The following LDB2 variants were observed in gnomAD, a reference collection of about 807,000 sequenced individuals.
LDB2 encodes LIM domain binding 2, also known as LIM domain-binding protein 2.
Under a neutral mutation model 44.3 loss-of-function variants are expected in LDB2, and 12 were observed. That is an observed-to-expected ratio of 0.27 (90% CI 0.17 to 0.44). The LOEUF (loss-of-function observed/expected upper bound fraction) is 0.44. LDB2 is among the 20% of genes least tolerant of loss of function. LDB2 has a pLI of 1.00. For synonymous variants in LDB2, 164 were observed against 174.8 expected (o/e 0.94, Z 0.49); for missense variants, 344 against 473.5 (o/e 0.73, Z 2.54).
intron 5 of LDB2, among the ~76,000 whole-genome samples, chr4:16,572,960 A>G (rs535910248): frequency 9.2e-5 from 14 of 152,304 alleles, no homozygotes; most frequent in Non-Finnish European, 1.6e-4. Flanking sequence ...GAGATCTGAC[A>G]GCTTTGTTTC....
chr4:16,875,322 T>C (rs1718036681), intron 1 of LDB2, among the ~76,000 whole-genome samples: 1 of 152,186 alleles, frequency 6.6e-6, no homozygotes, highest in Non-Finnish European at 1.5e-5. Context: ...TATACAAAAT[T>C]AATTTATCAA....
chr4:16,878,945 C>T (rs1265048255), intron 1 of LDB2, among the ~76,000 whole-genome samples: 4 of 152,142 alleles, frequency 2.6e-5, no homozygotes, highest in Admixed American at 1.3e-4. Context: ...TGCTTGATTC[C>T]TCTAGTGCAC....
At chr4:16,833,541 CCT>C (rs1784386456) in intron 1 of LDB2, among the ~76,000 whole-genome samples, 1 of 132,690 alleles carries the variant, frequency 7.5e-6, no homozygotes, top group South Asian at 2.3e-4. Flanking sequence ...CCAATCTTTT[CCT>C]CTTTTTTTTT....
intron 1 of LDB2, among the ~76,000 whole-genome samples, chr4:16,827,559 G>C (rs1285346836): frequency 1.3e-5 from 2 of 152,264 alleles, no homozygotes; most frequent in South Asian, 4.2e-4. Context: ...CATAAGATTT[G>C]CTAGGCAAAT....
chr4:16,847,994 T>A (rs561802447), intron 1 of LDB2, among the ~76,000 whole-genome samples: 1 of 152,294 alleles, frequency 6.6e-6, no homozygotes, highest in East Asian at 1.9e-4. Context: ...GTAAAATACA[T>A]AGAGTCTTGT....
chr4:16,766,455 T>TAC (rs1331870370), intron 1 of LDB2, among the ~76,000 whole-genome samples: 61 of 130,746 alleles, frequency 4.7e-4, no homozygotes, highest in African/African-American at 1.6e-3. Context: ...TGTATATATA[T>TAC]ACACACACAT....
chr4:16,703,580 C>T (rs999321762), intron 2 of LDB2, among the ~76,000 whole-genome samples: 22 of 152,318 alleles, frequency 1.4e-4, no homozygotes, highest in African/African-American at 5.1e-4. Context: ...TTTTTAACCA[C>T]TCTGATCATT....
At chr4:16,642,147 C>A (rs1341836606) in intron 2 of LDB2, among the ~76,000 whole-genome samples, 1 of 152,116 alleles carries the variant, frequency 6.6e-6, no homozygotes. Flanking sequence ...CTCCCAGAAA[C>A]CAAATTGCCT....
intron 2 of LDB2, among the ~76,000 whole-genome samples, chr4:16,734,956 G>A (rs956234454): frequency 1.3e-5 from 2 of 151,948 alleles, no homozygotes; most frequent in South Asian, 2.1e-4. Context: ...TGATCCACCC[G>A]CCTCTGCCTC....
intron 2 of LDB2, among the ~76,000 whole-genome samples, chr4:16,693,189 C>G (rs1190056383): frequency 3.9e-5 from 6 of 151,976 alleles, no homozygotes; most frequent in African/African-American, 1.5e-4. Context: ...GAATCAAAGG[C>G]CTTTATATTT....
At chr4:16,588,668 A>T in intron 4 of LDB2, 42 bp downstream of exon 4, 4 of 1,593,716 alleles carry the variant, frequency 2.5e-6, no homozygotes, top group East Asian at 2.2e-5. Context: ...ATGAAGGAGG[A>T]AAAAAAAGAA....
chr4:16,519,679 C>T (rs948681223), intron 5 of LDB2, among the ~76,000 whole-genome samples: 4 of 150,262 alleles, frequency 2.7e-5, no homozygotes. Context: ...TGGGTTCAAG[C>T]CCTCCAAGTC....
At chr4:16,555,117 T>C (rs1739072644) in intron 5 of LDB2, among the ~76,000 whole-genome samples, 2 of 144,452 alleles carry the variant, frequency 1.4e-5, no homozygotes, top group Non-Finnish European at 3.0e-5. Flanking sequence ...TTTTTGAAGT[T>C]AATATGGGCA....
intron 1 of LDB2, among the ~76,000 whole-genome samples, chr4:16,892,668 C>T (rs759295752): frequency 3.3e-5 from 5 of 152,088 alleles, no homozygotes; most frequent in Non-Finnish European, 5.9e-5. Flanking sequence ...TTTTACGTTT[C>T]GTTTGCTTGT....
chr4:16,519,405 C>G (rs1044913564), intron 5 of LDB2, among the ~76,000 whole-genome samples: 1 of 151,500 alleles, frequency 6.6e-6, no homozygotes, highest in Non-Finnish European at 1.5e-5. Context: ...GAGGTTCAGT[C>G]AAGTTTCTCT....
intron 5 of LDB2, among the ~76,000 whole-genome samples, chr4:16,516,316 C>A (rs973625156): frequency 6.6e-6 from 1 of 152,164 alleles, no homozygotes; most frequent in Non-Finnish European, 1.5e-5. Context: ...ATTTAATAAT[C>A]TGTAGATATT....
intron 2 of LDB2, among the ~76,000 whole-genome samples, chr4:16,658,422 A>G (rs781413694): frequency 1.3e-5 from 2 of 152,172 alleles, no homozygotes; most frequent in Non-Finnish European, 2.9e-5. Flanking sequence ...TAAGCCTTAA[A>G]CCTATCAGGA....
intron 2 of LDB2, among the ~76,000 whole-genome samples, chr4:16,743,311 G>T (rs958275845): frequency 6.6e-6 from 1 of 151,968 alleles, no homozygotes; most frequent in Non-Finnish European, 1.5e-5. Flanking sequence ...TTGTCAGGAT[G>T]TCTCATATTA....
intron 5 of LDB2, among the ~76,000 whole-genome samples, chr4:16,516,594 G>A (rs1374278135): frequency 2.0e-5 from 3 of 152,188 alleles, no homozygotes; most frequent in South Asian, 4.1e-4. Context: ...GGTAGACGGT[G>A]GGGGTGACCT....
Sources: gnomAD v4.1 joint callset for allele counts (sites outside exome capture counted in the v4.1 genomes callset) on GRCh38, gnomAD v4.1.1 for gene constraint, MANE v1.5 for transcripts, NCBI Gene and HGNC (gene_info 2026-07-23, HGNC 2026-07-21) for gene names.